AFF3: variants seen among roughly 807,000 people sequenced by gnomAD.
AFF3 encodes ALF transcription elongation factor 3.
In AFF3, 32 loss-of-function variants were observed where a neutral mutation model predicts 129.7. That is an observed-to-expected ratio of 0.25 (90% CI 0.19 to 0.33). The LOEUF is 0.33. Among genes scored for constraint, AFF3 ranks in the 10% least tolerant of loss-of-function variants. AFF3 has a pLI of 1.00. For missense variants in AFF3, 1,373 were observed against 1,592.0 expected, an observed-to-expected ratio of 0.86 and a Z score of 2.34; for synonymous variants, 644 against 635.4, an observed-to-expected ratio of 1.01 and a Z score of -0.20.
chr2:99,657,342 C>T (rs1384528813), intron 12 of AFF3, among the ~76,000 whole-genome samples: 1 of 152,184 alleles, frequency 6.6e-6, no homozygotes, highest in Non-Finnish European at 1.5e-5. Flanking sequence ...TCTCAAGCTC[C>T]TCTCCATGCA....
At chr2:99,643,014 G>A (rs1312310515) in intron 13 of AFF3, among the ~76,000 whole-genome samples, 1 of 150,410 alleles carries the variant, frequency 6.6e-6, no homozygotes, top group Non-Finnish European at 1.5e-5. Flanking sequence ...TGAGGTAATG[G>A]ATTTTTTAAA....
At chr2:99,737,307 T>C (rs1211946080) in intron 10 of AFF3, among the ~76,000 whole-genome samples, 1 of 152,174 alleles carries the variant, frequency 6.6e-6, no homozygotes, top group Admixed American at 6.5e-5. Context: ...TTCCCCATAT[T>C]TACTTTCACT....
intron 17 of AFF3, among the ~76,000 whole-genome samples, chr2:99,579,774 T>C (rs976861125): frequency 1.3e-5 from 2 of 152,182 alleles, no homozygotes; most frequent in East Asian, 3.8e-4. Context: ...AACACACTAG[T>C]CTGTGGAAAA....
intron 12 of AFF3, among the ~76,000 whole-genome samples, chr2:99,671,998 A>G (rs1687181648): frequency 6.6e-6 from 1 of 152,170 alleles, no homozygotes; most frequent in Non-Finnish European, 1.5e-5. Flanking sequence ...TTTAAGACAA[A>G]CAGCCTATAC....
At chr2:100,083,402 G>A (rs1689170463) in intron 4 of AFF3, among the ~76,000 whole-genome samples, 1 of 152,132 alleles carries the variant, frequency 6.6e-6, no homozygotes, top group African/African-American at 2.4e-5. Flanking sequence ...CTTATGACCT[G>A]GACAGGTCAC....
At chr2:99,620,434 G>C (rs766561312) in intron 13 of AFF3, among the ~76,000 whole-genome samples, 12 of 152,186 alleles carry the variant, frequency 7.9e-5, no homozygotes, top group Non-Finnish European at 1.3e-4. Context: ...TTCGAGACCA[G>C]AATGGGCAAC....
chr2:99,589,644 C>T (rs1272847073), intron 15 of AFF3, among the ~76,000 whole-genome samples: 3 of 152,030 alleles, frequency 2.0e-5, no homozygotes, highest in East Asian at 1.9e-4. Flanking sequence ...CGTGATCTGC[C>T]CACCTTGGCC....
intron 8 of AFF3, among the ~76,000 whole-genome samples, chr2:99,822,232 G>A (rs1687743558): frequency 6.6e-6 from 1 of 151,608 alleles, no homozygotes; most frequent in Non-Finnish European, 1.5e-5. Context: ...TGACTTAATG[G>A]GCCCTTCATC....
chr2:99,697,159 TAGA>T (rs1448862576), intron 11 of AFF3, among the ~76,000 whole-genome samples: 2 of 152,224 alleles, frequency 1.3e-5, no homozygotes, highest in Non-Finnish European at 2.9e-5. Context: ...AAGCAGAGAC[TAGA>T]AGAAGTAGGA....
rs148222364 is a variant in AFF3, at chr2:99,578,331, C to G, written c.2914G>C (p.Asp972His). Residue 972 changes from aspartate (D) to histidine (H), a missense_variant, in exon 18 of 25, where the codon GAT becomes CAT. Asp to His is a moderately conservative substitution (Grantham distance 81). Transcript: ENST00000672756. ...DCKRQKLVFD[D>H]MPRSADYFMQ... ...TTTAAAAGCGTCTGAACTTACATAT[C>G]ATCGAAGACAAGTTTCTGCCTCTTG... 3.1e-5 allele frequency: 49 copies of G among 1,599,288 alleles called. No individual in the cohort carries two copies. The highest frequency in any genetic ancestry group is 3.5e-5 in the Non-Finnish European group (41 of 1,175,124).
intron 4 of AFF3, among the ~76,000 whole-genome samples, chr2:100,098,432 TAC>T (rs1473937887): frequency 6.6e-6 from 1 of 151,532 alleles, no homozygotes; most frequent in Non-Finnish European, 1.5e-5. Context: ...AAATTCCACT[TAC>T]ACACAAAATC....
chr2:99,660,634 GT>G (rs1373489745), intron 12 of AFF3, among the ~76,000 whole-genome samples: 8 of 152,296 alleles, frequency 5.3e-5, no homozygotes, highest in South Asian at 2.1e-4. Flanking sequence ...ACAAATCCAG[GT>G]TGAAAGAAGA....
At chr2:99,976,017 C>A (rs1678856458) in intron 7 of AFF3, among the ~76,000 whole-genome samples, 3 of 152,054 alleles carry the variant, frequency 2.0e-5, no homozygotes, top group Admixed American at 2.0e-4. Context: ...GGCAGAACCA[C>A]CAGAAGAGCT....
chr2:99,751,186 C>G (rs1681623063), intron 9 of AFF3, among the ~76,000 whole-genome samples: 1 of 152,140 alleles, frequency 6.6e-6, no homozygotes, highest in African/African-American at 2.4e-5. Flanking sequence ...CTCCACCTCT[C>G]AGGTTCAAGT....
intron 8 of AFF3, 48 bp downstream of exon 8, chr2:99,837,429 G>A: frequency 6.4e-7 from 1 of 1,554,092 alleles, no homozygotes; most frequent in Non-Finnish European, 8.8e-7. Flanking sequence ...TTTCTATTTA[G>A]AGTCTATGTC....
At chr2:100,087,254 T>C (rs1349047265) in intron 4 of AFF3, among the ~76,000 whole-genome samples, 2 of 152,222 alleles carry the variant, frequency 1.3e-5, no homozygotes, top group Non-Finnish European at 2.9e-5. Flanking sequence ...TTTTTACCCC[T>C]GTGCTAAATA....
At chr2:99,646,414 G>A (rs1456126599) in intron 13 of AFF3, among the ~76,000 whole-genome samples, 1 of 152,136 alleles carries the variant, frequency 6.6e-6, no homozygotes, top group Non-Finnish European at 1.5e-5. Flanking sequence ...CACCTTTTGA[G>A]GTCTGAAAAG....
At chr2:99,688,900 C>A (rs1490306409) in intron 11 of AFF3, among the ~76,000 whole-genome samples, 1 of 152,140 alleles carries the variant, frequency 6.6e-6, no homozygotes, top group African/African-American at 2.4e-5. Flanking sequence ...GTTTGTTGAG[C>A]CAATAAGTTA....
At chr2:99,608,100 T>C (rs1680554875) in intron 13 of AFF3, among the ~76,000 whole-genome samples, 1 of 152,258 alleles carries the variant, frequency 6.6e-6, no homozygotes, top group African/African-American at 2.4e-5. Context: ...CAATCAGATT[T>C]CCAGCTTCAC....
Sources: gnomAD v4.1 joint callset for allele counts (sites outside exome capture counted in the v4.1 genomes callset) on GRCh38, gnomAD v4.1.1 for gene constraint, MANE v1.5 for transcripts, NCBI Gene and HGNC (gene_info 2026-07-23, HGNC 2026-07-21) for gene names.